TUB: variants seen among roughly 807,000 people sequenced by gnomAD.
The protein encoded by TUB is tubby protein homolog.
TUB carries 33 observed loss-of-function variants against 59.7 expected under a neutral mutation model. The observed-to-expected ratio is 0.55, with a 90% CI of 0.42 to 0.74. TUB has a LOEUF of 0.74. TUB is among the 30% of genes least tolerant of loss of function. The probability of loss-of-function intolerance (pLI) is 0.00; values close to 1 mark genes in which losing one functional copy is unlikely to be tolerated. For synonymous variants in TUB, 293 were observed against 256.4 expected (o/e 1.14, Z -1.36); for missense variants, 659 against 672.0 (o/e 0.98, Z 0.21).
chr11:8,099,410 G>A (rs114129016), intron 9 of TUB, among the ~76,000 whole-genome samples: 221 of 152,154 alleles, frequency 1.5e-3, no homozygotes, highest in African/African-American at 5.1e-3. Flanking sequence ...TCAGGGGTGG[G>A]TATCTCATCA....
chr11:8,046,055 C>G lies in TUB; in HGVS notation c.203+6363C>G, dbSNP rs547176563. 1.4e-4 allele frequency among the ~76,000 whole-genome samples: 22 copies of G among 152,300 alleles called. No homozygotes were observed. The South Asian group carries it at 3.7e-3, about 26-fold the overall frequency. On this transcript the variant is annotated intron_variant, in intron 2 of 12. Coordinates refer to the TUB transcript ENST00000305253. ...GATAAGGGAAGCCCTCTACAGGCCT[C>G]CGAAGCACATTTGTGCGTTATCTCC...
rs755425046 is a variant in TUB at position 8,094,127 on chromosome 11, C to T, written c.335C>T (p.Ala112Val). The T allele has an allele frequency of 2.0e-5, 32 of 1,613,994 alleles. No homozygotes were observed. Among genetic ancestry groups the T allele is most frequent in the African/African-American group, 4.0e-5 (3 of 74,908 alleles). Residue 112 changes from alanine to valine, a missense_variant, in exon 4 of 12, where the codon GCG becomes GTG. By Grantham distance (64) the Ala-to-Val change is moderately conservative. Around this residue, in one of 3 missense-constraint regions of TUB, gnomAD observed 321 missense variants for 304.3 expected, o/e 1.05. Coordinates refer to ENST00000299506, the MANE Select transcript of TUB (RefSeq NM_177972.3). ...TAPASAKRTKAAATAGGQGGA... is the reference protein window; with the variant it reads ...TAPASAKRTKVAATAGGQGGA... The stretch of plus-strand genomic sequence containing the variant: ...CCAGCTTCAGCCAAGAGAACCAAGG[C>T]GGCAGCTACAGCAGGGGGCCAGGGT...
rs111744286 is a variant in TUB at position 8,029,392 on chromosome 11, T to A, written c.56+10034T>A. 1.0e-4 allele frequency among the ~76,000 whole-genome samples: 5 copies of A among 49,602 alleles called. No homozygotes were observed. In the East Asian group the frequency reaches 6.3e-3, roughly 63 times the overall value. 32.5% of individuals were successfully genotyped at this position (49,602 alleles called of 152,430 possible). On this transcript the variant is annotated intron_variant, in intron 1 of 11. Transcript: ENST00000534099. ...TTCTTTTCTTTTTCTTTCTTTCTTTTTTTTTTTTTTTTTTGAGACAGAGTC... is the reference window on the plus strand; with the variant it reads ...TTCTTTTCTTTTTCTTTCTTTCTTTATTTTTTTTTTTTTTGAGACAGAGTC...
chr11:8,105,463 A>T lies in TUB; in HGVS notation c.*3844A>T, dbSNP rs904829879. The T allele has an allele frequency of 6.8e-6, 1 of 146,068 alleles. No homozygotes were observed. Among genetic ancestry groups the T allele is most frequent in the Non-Finnish European group, 1.5e-5 (1 of 65,860 alleles). 9.0% of individuals were successfully genotyped at this position (146,068 alleles called of 1,614,324 possible). On this transcript the variant is annotated 3_prime_UTR_variant, in exon 12 of 12. Coordinates refer to ENST00000299506, the MANE Select transcript of TUB (RefSeq NM_177972.3). ...TCAGTCATCTCATGATACAGGCGGG[A>T]GGGGCAGAACAGATAGATTACGACA...
At chr11:8,063,443 A>G (rs1257786857) in intron 2 of TUB, among the ~76,000 whole-genome samples, 2 of 152,224 alleles carry the variant, frequency 1.3e-5, no homozygotes, top group African/African-American at 2.4e-5. Context: ...GTTTGCTTCC[A>G]TGGTTGAAGC....
In TUB at chr11:8,103,904, C is replaced by T. The variant is rs530503257; in HGVS notation, c.*2285C>T. On this transcript the variant is annotated 3_prime_UTR_variant, in exon 12 of 12. Coordinates refer to ENST00000299506, the MANE Select transcript of TUB (RefSeq NM_177972.3). Reference sequence around the variant, plus strand: ...GAAAACTCTTGGCCTCTGCTTTCTCCTGTAGCACAAAGAGGGAGTTGGCTG... The same window carrying T: ...GAAAACTCTTGGCCTCTGCTTTCTCTTGTAGCACAAAGAGGGAGTTGGCTG... The T allele has an allele frequency of 6.6e-6, 1 of 152,366 alleles. No individual in the cohort carries two copies. Among genetic ancestry groups the T allele is most frequent in the South Asian group, 2.1e-4 (1 of 4,834 alleles). 9.4% of individuals were successfully genotyped at this position (152,366 alleles called of 1,614,324 possible).
At chr11:8,045,649 T>A (rs1041335586) in intron 2 of TUB, among the ~76,000 whole-genome samples, 1 of 152,258 alleles carries the variant, frequency 6.6e-6, no homozygotes, top group Admixed American at 6.5e-5. Flanking sequence ...GTAAGTATAA[T>A]ACAAATATTC....
chr11:8,019,967 G>T (rs1228867616), intron 1 of TUB, among the ~76,000 whole-genome samples: 1 of 152,208 alleles, frequency 6.6e-6, no homozygotes, highest in Non-Finnish European at 1.5e-5. Flanking sequence ...GATGGCGAGC[G>T]GCTGCCGGCG....
intron 2 of TUB, among the ~76,000 whole-genome samples, chr11:8,041,260 G>A (rs1178239498): frequency 6.6e-6 from 1 of 152,150 alleles, no homozygotes; most frequent in Non-Finnish European, 1.5e-5. Flanking sequence ...GAAAGGCTCT[G>A]CCAGTATCCC....
chr11:8,026,656 A>G (rs912977536), intron 1 of TUB, among the ~76,000 whole-genome samples: 1 of 152,172 alleles, frequency 6.6e-6, no homozygotes, highest in African/African-American at 2.4e-5. Context: ...AAAAATACTT[A>G]TAAGTATTGA....
chr11:8,037,071 G>A (rs910828171), upstream of TUB, among the ~76,000 whole-genome samples: 2 of 152,178 alleles, frequency 1.3e-5, no homozygotes, highest in Admixed American at 1.3e-4. Flanking sequence ...CAAGACTAAA[G>A]ACACCTGAAA....
upstream of TUB, among the ~76,000 whole-genome samples, chr11:8,077,969 T>G (rs1207784406): frequency 6.6e-6 from 1 of 152,240 alleles, no homozygotes; most frequent in African/African-American, 2.4e-5. Context: ...CCAATTTGAA[T>G]GGATATCATT....
At chr11:8,057,091 G>A (rs1243715403) in intron 2 of TUB, among the ~76,000 whole-genome samples, 1 of 152,160 alleles carries the variant, frequency 6.6e-6, no homozygotes, top group Non-Finnish European at 1.5e-5. Context: ...TGGAGGGCTG[G>A]GGAGGGGACT....
At chr11:8,060,573 A>G (rs2133772467) in intron 2 of TUB, among the ~76,000 whole-genome samples, 2 of 152,278 alleles carry the variant, frequency 1.3e-5, no homozygotes, top group East Asian at 3.9e-4. Flanking sequence ...TTTTCAAATG[A>G]CATTTGGAGC....
upstream of TUB, among the ~76,000 whole-genome samples, chr11:8,080,376 G>A (rs1276969425): frequency 6.6e-6 from 1 of 152,006 alleles, no homozygotes; most frequent in Non-Finnish European, 1.5e-5. Flanking sequence ...TTCTCAGTGT[G>A]CCATGCCTTG....
At chr11:8,047,899 G>T (rs1942861639) in intron 2 of TUB, among the ~76,000 whole-genome samples, 1 of 152,166 alleles carries the variant, frequency 6.6e-6, no homozygotes, top group South Asian at 2.1e-4. Context: ...TGATGACTGT[G>T]ATGTGCCACC....
chr11:8,023,781 T>A (rs765659700), intron 1 of TUB, among the ~76,000 whole-genome samples: 1 of 152,240 alleles, frequency 6.6e-6, no homozygotes, highest in Non-Finnish European at 1.5e-5. Context: ...AAAAGATCTA[T>A]GTAAAATGAC....
At chr11:8,038,035 G>C (rs1942676765), upstream of TUB, among the ~76,000 whole-genome samples, 1 of 152,170 alleles carries the variant, frequency 6.6e-6, no homozygotes, top group African/African-American at 2.4e-5. Context: ...GATTGTCTGG[G>C]TTGGTGGAGG....
intron 2 of TUB, among the ~76,000 whole-genome samples, chr11:8,046,915 T>G (rs989507467): frequency 6.6e-6 from 1 of 152,188 alleles, no homozygotes; most frequent in Non-Finnish European, 1.5e-5. Flanking sequence ...GCTGCTTCAC[T>G]TTTTTAAAAT....
Sources: gnomAD v4.1 joint callset for allele counts (sites outside exome capture counted in the v4.1 genomes callset) on GRCh38, gnomAD v4.1.1 for gene constraint, gnomAD v4.1.1 regional missense constraint, MANE v1.5 for transcripts, NCBI Gene and HGNC (gene_info 2026-07-23, HGNC 2026-07-21) for gene names.